Variants in ARHGAP6 observed in about 807,000 individuals in gnomAD.
ARHGAP6 encodes Rho GTPase activating protein 6.
ARHGAP6 carries 16 observed loss-of-function variants against 55.7 expected under a neutral mutation model. The ratio of observed to expected loss-of-function variants is 0.29; its 90% CI spans 0.19 to 0.44. The LOEUF is 0.44. ARHGAP6 is among the 20% of genes least tolerant of loss of function. The pLI is 1.00. For synonymous variants in ARHGAP6, 382 were observed against 360.9 expected, an observed-to-expected ratio of 1.06 and a Z score of -0.66; for missense variants, 698 against 808.9, an observed-to-expected ratio of 0.86 and a Z score of 1.66.
In ARHGAP6 at chrX:11,291,252, T is replaced by G. The variant is rs139566596; in HGVS notation, c.589-36545A>C. Among the ~76,000 whole-genome samples the G allele has an allele frequency of 7.3e-3, 823 of 112,090 alleles. 14 individuals carry two copies. The highest frequency in any genetic ancestry group is 0.025 in the African/African-American group (770 of 30,871). ...GATCCATATTTTAATGTCCTATGAT[T>G]CAGGATATGCAGTAGGGGAAAATCA... is the stretch of plus-strand genomic sequence containing the variant. On this transcript the variant is annotated intron_variant, in intron 1 of 12. Coordinates refer to ENST00000337414, the MANE Select transcript of ARHGAP6 (RefSeq NM_013427.3).
At chrX:11,411,324 C>T (rs766502224) in intron 1 of ARHGAP6, among the ~76,000 whole-genome samples, 1 of 101,301 alleles carries the variant, frequency 9.9e-6, no homozygotes, top group East Asian at 3.2e-4. Flanking sequence ...AACAAATGAA[C>T]ATATATTTAT....
intron 1 of ARHGAP6, among the ~76,000 whole-genome samples, chrX:11,421,694 C>G (rs2049825779): frequency 9.0e-6 from 1 of 111,457 alleles, no homozygotes; most frequent in South Asian, 3.8e-4. Flanking sequence ...GCTGCTGAAT[C>G]CTACATTTTG....
intron 2 of ARHGAP6, among the ~76,000 whole-genome samples, chrX:11,208,954 T>A (rs1240633866): frequency 2.7e-5 from 3 of 112,036 alleles, no homozygotes; most frequent in Non-Finnish European, 5.6e-5. Context: ...AGGAAGAATG[T>A]TGATTGTGTA....
chrX:11,649,523 G>A (rs1160396332), intron 1 of ARHGAP6, among the ~76,000 whole-genome samples: 2 of 111,420 alleles, frequency 1.8e-5, no homozygotes, highest in Non-Finnish European at 3.8e-5. Flanking sequence ...CCAAGATACA[G>A]CTTTACTTCC....
At chrX:11,273,740 T>A (rs1473914997) in intron 1 of ARHGAP6, among the ~76,000 whole-genome samples, 1 of 110,990 alleles carries the variant, frequency 9.0e-6, no homozygotes, top group Non-Finnish European at 1.9e-5. Flanking sequence ...TAATTAGTGG[T>A]GCACAGTAAG....
At position 11,665,191 on chromosome X, in the gene ARHGAP6, T is replaced by A. The variant is rs1354466795; in HGVS notation, c.-363A>T. On this transcript the variant is annotated 5_prime_UTR_variant, in exon 1 of 13. Coordinates refer to ENST00000337414, the MANE Select transcript of ARHGAP6 (RefSeq NM_013427.3). Reference sequence around the variant, plus strand: ...GCCAGCGCCACTCCCCCTTCCTAGCTGAGGCGGGAGACGCAGCGCTCCTGC... The same window carrying A: ...GCCAGCGCCACTCCCCCTTCCTAGCAGAGGCGGGAGACGCAGCGCTCCTGC... 1.8e-5 allele frequency: 3 copies of A among 163,554 alleles called. No individual in the cohort carries two copies. The highest frequency in any genetic ancestry group is 3.4e-5 in the Non-Finnish European group (3 of 87,008). The allele number at this position is 163,554 out of a possible 1,213,427, so 13.5% of individuals were successfully genotyped here. A position where few individuals can be genotyped will look rare whatever the true frequency, so the allele number is the denominator to read the frequency against.
intron 1 of ARHGAP6, among the ~76,000 whole-genome samples, chrX:11,307,773 G>C (rs925326062): frequency 1.8e-5 from 2 of 111,785 alleles, no homozygotes; most frequent in African/African-American, 6.5e-5. Flanking sequence ...CTGCTTTTGT[G>C]GCTTTTTTTT....
chrX:11,488,386 T>C (rs1055620108), intron 1 of ARHGAP6, among the ~76,000 whole-genome samples: 2 of 112,204 alleles, frequency 1.8e-5, no homozygotes, highest in African/African-American at 6.5e-5. Flanking sequence ...AAAAGTTCCT[T>C]ATACCATTAC....
intron 2 of ARHGAP6, among the ~76,000 whole-genome samples, chrX:11,230,090 T>A (rs1265763187): frequency 3.6e-5 from 4 of 112,217 alleles, no homozygotes; most frequent in Non-Finnish European, 7.5e-5. Context: ...ACTGCAGAGG[T>A]CCATGTGAGA....
chrX:11,350,617 C>T (rs2048850264), intron 1 of ARHGAP6, among the ~76,000 whole-genome samples: 1 of 112,250 alleles, frequency 8.9e-6, no homozygotes, highest in Non-Finnish European at 1.9e-5. Flanking sequence ...AAAATTGTTA[C>T]TCACTTACAT....
intron 1 of ARHGAP6, among the ~76,000 whole-genome samples, chrX:11,311,684 T>C (rs2048303142): frequency 9.1e-6 from 1 of 110,487 alleles, no homozygotes; most frequent in South Asian, 3.8e-4. Context: ...AGGCTTCCTG[T>C]CTAAGGATAA....
chrX:11,281,675 T>C (rs111641961), intron 1 of ARHGAP6, among the ~76,000 whole-genome samples: 2,458 of 111,265 alleles, frequency 0.022, 31 homozygotes, highest in Middle Eastern at 0.065. Flanking sequence ...ATGTTTATTA[T>C]AATTTAACAG....
intron 1 of ARHGAP6, among the ~76,000 whole-genome samples, chrX:11,624,578 C>CT (rs1401026610): frequency 8.9e-6 from 1 of 111,909 alleles, no homozygotes; most frequent in African/African-American, 3.2e-5. Flanking sequence ...TTCTTTTTTT[C>CT]TTTTTTTTGA....
chrX:11,595,832 C>T (rs867006200), intron 1 of ARHGAP6, among the ~76,000 whole-genome samples: 29 of 112,181 alleles, frequency 2.6e-4, no homozygotes, highest in Middle Eastern at 4.6e-3. Context: ...TGCTCATCAT[C>T]GCTGGTCATT....
intron 1 of ARHGAP6, among the ~76,000 whole-genome samples, chrX:11,488,701 A>G (rs1294760979): frequency 9.0e-6 from 1 of 110,840 alleles, no homozygotes; most frequent in Non-Finnish European, 1.9e-5. Context: ...TTCTCAAAGG[A>G]GTGTGAACCC....
At chrX:11,174,590 CTTTT>C (rs754738919) in intron 8 of ARHGAP6, among the ~76,000 whole-genome samples, 3 of 63,984 alleles carry the variant, frequency 4.7e-5, no homozygotes, top group African/African-American at 1.6e-4. Context: ...TTCTTTCTTT[CTTTT>C]TCTTTCTTTC....
At chrX:11,471,590 A>G (rs1268433739) in intron 1 of ARHGAP6, among the ~76,000 whole-genome samples, 1 of 112,621 alleles carries the variant, frequency 8.9e-6, no homozygotes, top group Non-Finnish European at 1.9e-5. Context: ...AAATGATACT[A>G]AAGAAGACTG....
intron 2 of ARHGAP6, among the ~76,000 whole-genome samples, chrX:11,241,531 C>T (rs1472365839): frequency 1.1e-5 from 1 of 91,711 alleles, no homozygotes; most frequent in African/African-American, 4.0e-5. Flanking sequence ...ATGCTGGATA[C>T]GTGTGTGTGT....
intron 1 of ARHGAP6, among the ~76,000 whole-genome samples, chrX:11,420,155 A>G (rs1311643376): frequency 8.9e-6 from 1 of 111,837 alleles, no homozygotes; most frequent in African/African-American, 3.3e-5. Flanking sequence ...TTGTATTGAA[A>G]AGTATCCCAT....
Sources: gnomAD v4.1 joint callset for allele counts (sites outside exome capture counted in the v4.1 genomes callset) on GRCh38, gnomAD v4.1.1 for gene constraint, MANE v1.5 for transcripts, NCBI Gene and HGNC (gene_info 2026-07-23, HGNC 2026-07-21) for gene names.